The following DISC1 variants were observed in gnomAD, a reference collection of about 807,000 sequenced individuals.
The protein encoded by DISC1 is DISC1 scaffold protein.
In DISC1, 57 loss-of-function variants were observed where a neutral mutation model predicts 84.5. The ratio of observed to expected loss-of-function variants is 0.67; its 90% CI spans 0.55 to 0.84. The LOEUF is 0.84. DISC1 is among the 40% of genes least tolerant of loss of function. The pLI is 0.00. For synonymous variants in DISC1, 411 were observed against 415.2 expected, an observed-to-expected ratio of 0.99 and a Z score of 0.12; for missense variants, 1,000 against 1,057.8, an observed-to-expected ratio of 0.95 and a Z score of 0.76.
chr1:231,860,079 C>G (rs1406203108), intron 9 of DISC1, among the ~76,000 whole-genome samples: 1 of 152,164 alleles, frequency 6.6e-6, no homozygotes, highest in Admixed American at 6.5e-5. Flanking sequence ...AATTGGAAAT[C>G]AAGGGTGAAA....
At chr1:231,889,560 T>C (rs2087049535) in intron 9 of DISC1, among the ~76,000 whole-genome samples, 2 of 152,224 alleles carry the variant, frequency 1.3e-5, no homozygotes, top group Non-Finnish European at 2.9e-5. Context: ...AATCTGTTTC[T>C]GGACTCTTTA....
At chr1:232,032,586 A>G (rs1354781009) in intron 12 of DISC1, among the ~76,000 whole-genome samples, 1 of 152,162 alleles carries the variant, frequency 6.6e-6, no homozygotes, top group Non-Finnish European at 1.5e-5. Context: ...TGTTATAATG[A>G]ATCTGCTAAT....
At chr1:231,985,014 T>G (rs900972839) in intron 10 of DISC1, among the ~76,000 whole-genome samples, 6 of 152,126 alleles carry the variant, frequency 3.9e-5, no homozygotes, top group Admixed American at 6.5e-5. Context: ...TTTCAATTTC[T>G]CTGTCTATAC....
At chr1:231,723,724 C>T in intron 3 of DISC1, 1 of 985,476 alleles carries the variant, frequency 1.0e-6, no homozygotes, top group Non-Finnish European at 1.2e-6. Flanking sequence ...TCCTTCCCTT[C>T]CCTGGCAGAC....
chr1:231,940,840 G>C (rs41303081), intron 9 of DISC1: 1 of 152,232 alleles, frequency 6.6e-6, no homozygotes, highest in Non-Finnish European at 1.5e-5. Flanking sequence ...GCTCCATGAC[G>C]TTCTTGATTG....
chr1:231,719,429 T>C (rs150149690), intron 3 of DISC1, among the ~76,000 whole-genome samples: 141 of 152,334 alleles, frequency 9.3e-4, no homozygotes, highest in African/African-American at 3.3e-3. Context: ...CTACTAACAA[T>C]AGAATTATAA....
chr1:231,844,472 G>A (rs1244693898), intron 9 of DISC1, among the ~76,000 whole-genome samples: 3 of 152,086 alleles, frequency 2.0e-5, no homozygotes, highest in Non-Finnish European at 2.9e-5. Flanking sequence ...TGAACCCTGT[G>A]GTTTAGGGTT....
chr1:231,999,594 T>C (rs1666392135), intron 10 of DISC1, among the ~76,000 whole-genome samples: 1 of 152,006 alleles, frequency 6.6e-6, no homozygotes, highest in Non-Finnish European at 1.5e-5. Context: ...AGTGTTCTCC[T>C]CTCCCCTCCC....
At chr1:231,885,116 T>A (rs1232803104) in intron 9 of DISC1, among the ~76,000 whole-genome samples, 2 of 152,186 alleles carry the variant, frequency 1.3e-5, no homozygotes, top group Non-Finnish European at 2.9e-5. Context: ...CACCAGCTGG[T>A]CATAACAGAC....
At chr1:231,702,648 AAAAAACAAAAAAACC>A (rs1233247113) in intron 3 of DISC1, 15 of 974,244 alleles carry the variant, frequency 1.5e-5, no homozygotes, top group Non-Finnish European at 1.7e-5. Flanking sequence ...CAAACAAACA[AAAAAACAAAAAAACC>A]AATTAAAATG....
chr1:231,769,244 C>G (rs1216566809), intron 5 of DISC1, among the ~76,000 whole-genome samples: 4 of 152,144 alleles, frequency 2.6e-5, no homozygotes, highest in Non-Finnish European at 5.9e-5. Flanking sequence ...ACTGTGTGGT[C>G]CAGCCACCCC....
At chr1:232,029,299 A>G (rs1669777589) in intron 12 of DISC1, among the ~76,000 whole-genome samples, 1 of 152,220 alleles carries the variant, frequency 6.6e-6, no homozygotes, top group African/African-American at 2.4e-5. Context: ...GAATAAATAC[A>G]CAGAAGGTGT....
intron 6 of DISC1, among the ~76,000 whole-genome samples, chr1:231,794,800 C>T (rs531481427): frequency 1.3e-5 from 2 of 152,302 alleles, no homozygotes; most frequent in African/African-American, 4.8e-5. Flanking sequence ...TGCTCTATGT[C>T]AATGCCGAAT....
intron 1 of DISC1, among the ~76,000 whole-genome samples, chr1:231,654,151 G>A (rs1358453862): frequency 2.0e-5 from 3 of 152,112 alleles, no homozygotes; most frequent in African/African-American, 7.2e-5. Context: ...GTGATTGCAG[G>A]GGAGTCCGCC....
chr1:231,776,041 C>T lies in DISC1; in HGVS notation c.1634+4971C>T, dbSNP rs1312354318. Reference sequence around the variant, plus strand: ...CATGAGGTTCCATCTATTTATTTGGCGTAAATTGAGGAGAATGGTGATTTG... The same window carrying T: ...CATGAGGTTCCATCTATTTATTTGGTGTAAATTGAGGAGAATGGTGATTTG... On this transcript the variant is annotated intron_variant, in intron 6 of 12. Coordinates refer to ENST00000439617, the MANE Select transcript of DISC1 (RefSeq NM_018662.3). 5.9e-5 allele frequency among the ~76,000 whole-genome samples: 9 copies of T among 152,156 alleles called. No homozygotes were observed. The East Asian group carries it at 1.2e-3, about 20-fold the overall frequency.
At chr1:231,999,085 TAGA>T (rs1666327571) in intron 10 of DISC1, among the ~76,000 whole-genome samples, 1 of 151,792 alleles carries the variant, frequency 6.6e-6, no homozygotes, top group Non-Finnish European at 1.5e-5. Context: ...TTTAGACCAA[TAGA>T]AGAAGATTTG....
intron 10 of DISC1, among the ~76,000 whole-genome samples, 162 bp from the exon 11 acceptor site, chr1:232,008,623 C>T (rs183681490): frequency 8.2e-4 from 125 of 152,276 alleles, no homozygotes; most frequent in African/African-American, 2.9e-3. Context: ...CAAATTTGGT[C>T]CCTCTGATGA....
chr1:231,835,356 G>C (rs923951420), intron 9 of DISC1, among the ~76,000 whole-genome samples: 9 of 152,188 alleles, frequency 5.9e-5, no homozygotes, highest in African/African-American at 2.2e-4. Context: ...GGAGATAGGG[G>C]TGGCGCTGTT....
At chr1:231,697,652 G>A (rs1344928794) in intron 2 of DISC1, among the ~76,000 whole-genome samples, 5 of 141,398 alleles carry the variant, frequency 3.5e-5, no homozygotes, top group Admixed American at 7.4e-5. Context: ...GTCTTGCCAC[G>A]TTGCCCAAAC....
Sources: gnomAD v4.1 joint callset for allele counts (sites outside exome capture counted in the v4.1 genomes callset) on GRCh38, gnomAD v4.1.1 for gene constraint, MANE v1.5 for transcripts, NCBI Gene and HGNC (gene_info 2026-07-23, HGNC 2026-07-21) for gene names.